Variants in RBFOX1 observed in about 807,000 individuals in gnomAD.
RBFOX1 encodes RNA binding protein fox-1 homolog 1.
In RBFOX1, 8 loss-of-function variants were observed where a neutral mutation model predicts 57.7. That is an observed-to-expected ratio of 0.14 (90% CI 0.08 to 0.25). The LOEUF (loss-of-function observed/expected upper bound fraction) is 0.25. Among genes scored for constraint, RBFOX1 ranks in the 10% least tolerant of loss-of-function variants. The probability of loss-of-function intolerance (pLI) is 1.00; values close to 1 mark genes in which losing one functional copy is unlikely to be tolerated. For missense variants in RBFOX1, 611 were observed against 548.5 expected (o/e 1.11, Z -1.14); for synonymous variants, 326 against 222.4 (o/e 1.47, Z -4.15).
At chr16:6,708,533 C>T (rs183169605) in intron 3 of RBFOX1, among the ~76,000 whole-genome samples, 135 of 152,258 alleles carry the variant, frequency 8.9e-4, no homozygotes, top group African/African-American at 3.0e-3. Flanking sequence ...TGGACAATTT[C>T]GCACAAATAT....
intron 4 of RBFOX1, among the ~76,000 whole-genome samples, chr16:7,248,485 A>T (rs1030876039): frequency 1.3e-4 from 20 of 152,200 alleles, no homozygotes; most frequent in Admixed American, 1.1e-3. Flanking sequence ...TTTCACGCTT[A>T]CACTTGCTGG....
At chr16:7,001,136 C>T (rs1279593135) in intron 3 of RBFOX1, among the ~76,000 whole-genome samples, 2 of 151,946 alleles carry the variant, frequency 1.3e-5, no homozygotes, top group African/African-American at 2.4e-5. Flanking sequence ...CATTTTTTTC[C>T]AGTTTTCAAA....
chr16:6,224,801 A>C (rs2097403501), intron 1 of RBFOX1, among the ~76,000 whole-genome samples: 2 of 152,100 alleles, frequency 1.3e-5, no homozygotes, highest in African/African-American at 4.8e-5. Context: ...TGGGTGGATC[A>C]CCTGTGGTCA....
intron 1 of RBFOX1, among the ~76,000 whole-genome samples, chr16:6,285,035 C>T (rs891116822): frequency 5.3e-5 from 8 of 151,984 alleles, no homozygotes; most frequent in Middle Eastern, 3.2e-3. Flanking sequence ...AGTCTTAAAC[C>T]GAGAGAGGCA....
At chr16:5,983,690 C>G (rs1024852132) in intron 4 of RBFOX1, among the ~76,000 whole-genome samples, 2 of 152,094 alleles carry the variant, frequency 1.3e-5, no homozygotes, top group African/African-American at 4.8e-5. Context: ...TTGGGGCTTC[C>G]CCACACCCAA....
rs367616505 is a variant in RBFOX1 at position 6,279,932 on chromosome 16, T to C, written c.-126-37063T>C. Among the ~76,000 whole-genome samples, 23 of 152,144 alleles carry C rather than the reference T, an allele frequency of 1.5e-4. 1 individual carries two copies. The highest frequency in any genetic ancestry group is 5.1e-4 in the African/African-American group (21 of 41,514). On this transcript the variant is annotated intron_variant, in intron 1 of 15. Coordinates refer to ENST00000550418, the MANE Select transcript of RBFOX1 (RefSeq NM_018723.4). ...GATCTGGAAGGGAAAGTAAATTGCA[T>C]GCTAATGAAATTTGCAGACGATATT...
intron 3 of RBFOX1, among the ~76,000 whole-genome samples, chr16:5,641,657 G>T (rs1358153355): frequency 6.6e-6 from 1 of 152,220 alleles, no homozygotes; most frequent in Non-Finnish European, 1.5e-5. Flanking sequence ...GGGGAAGTAT[G>T]CTTGGGCAGT....
intron 3 of RBFOX1, among the ~76,000 whole-genome samples, chr16:6,798,003 G>A (rs1044440671): frequency 6.6e-6 from 1 of 152,060 alleles, no homozygotes; most frequent in Non-Finnish European, 1.5e-5. Context: ...GATGGGAATA[G>A]GGATGATGAT....
chr16:5,365,912 G>T, intron 1 of RBFOX1: 1 of 499,678 alleles, frequency 2.0e-6, no homozygotes, highest in South Asian at 1.5e-5. Context: ...ATGAAAAGGA[G>T]CACCAGTTAT....
In RBFOX1 at chr16:7,477,522, T is replaced by C. The variant is rs888716651; in HGVS notation, c.28-40625T>C. Among the ~76,000 whole-genome samples, 3 of 152,300 alleles carry C rather than the reference T, an allele frequency of 2.0e-5. No individual in the cohort carries two copies. In the East Asian group the frequency reaches 5.8e-4, roughly 29 times the overall value. ...CTTCTGCCCCCTGAATATTATTGCCTGGCTGACTCCCCAAAGAGAAAATGT... is the reference window on the plus strand; with the variant it reads ...CTTCTGCCCCCTGAATATTATTGCCCGGCTGACTCCCCAAAGAGAAAATGT... On this transcript the variant is annotated intron_variant, in intron 4 of 15. Coordinates refer to ENST00000550418, the MANE Select transcript of RBFOX1 (RefSeq NM_018723.4).
chr16:7,359,123 T>C (rs2146474763), intron 4 of RBFOX1, among the ~76,000 whole-genome samples: 1 of 152,300 alleles, frequency 6.6e-6, no homozygotes, highest in South Asian at 2.1e-4. Flanking sequence ...TTAAACATGT[T>C]GGCTTTGGGT....
intron 4 of RBFOX1, among the ~76,000 whole-genome samples, chr16:7,264,253 G>C (rs540383805): frequency 6.6e-6 from 1 of 152,146 alleles, no homozygotes; most frequent in Non-Finnish European, 1.5e-5. Flanking sequence ...GAGTGAACTG[G>C]ACAGAAGAAA....
At chr16:6,175,499 AGGTCGGGG>A (rs1419080944) in intron 1 of RBFOX1, among the ~76,000 whole-genome samples, 2 of 151,668 alleles carry the variant, frequency 1.3e-5, no homozygotes, top group African/African-American at 2.4e-5. Context: ...GTTTTTCTGT[AGGTCGGGG>A]GGGTGGGGGC....
intron 4 of RBFOX1, among the ~76,000 whole-genome samples, chr16:7,504,777 ATATATATATTTATATATATATATATT>A (rs2072579479): frequency 1.1e-4 from 2 of 17,942 alleles, no homozygotes; most frequent in African/African-American, 1.2e-4. Context: ...ATATTTATAT[ATATATATATTTATATATATATATATT>A]TATATATATA....
chr16:7,227,003 A>T (rs754102860), intron 4 of RBFOX1, among the ~76,000 whole-genome samples: 9 of 152,190 alleles, frequency 5.9e-5, no homozygotes, highest in Non-Finnish European at 1.3e-4. Flanking sequence ...AGGATAAAAA[A>T]TGGCTAAAGT....
chr16:5,314,185 G>A (rs1262431863), intron 1 of RBFOX1, among the ~76,000 whole-genome samples: 1 of 152,208 alleles, frequency 6.6e-6, no homozygotes, highest in Non-Finnish European at 1.5e-5. Flanking sequence ...CTTGGCCCAG[G>A]TCATGCAGTG....
At chr16:7,340,997 G>A (rs1406590298) in intron 4 of RBFOX1, among the ~76,000 whole-genome samples, 2 of 152,146 alleles carry the variant, frequency 1.3e-5, no homozygotes, top group African/African-American at 4.8e-5. Flanking sequence ...CTCTGCTGCT[G>A]CTTTGGTGTT....
intron 3 of RBFOX1, among the ~76,000 whole-genome samples, chr16:5,733,787 C>G (rs2052470505): frequency 6.6e-6 from 1 of 151,510 alleles, no homozygotes; most frequent in Admixed American, 6.6e-5. Flanking sequence ...TCTTCCCAGC[C>G]CTTCCTTCCT....
intron 4 of RBFOX1, among the ~76,000 whole-genome samples, chr16:7,075,201 A>G (rs1223257034): frequency 6.6e-6 from 1 of 152,166 alleles, no homozygotes; most frequent in Non-Finnish European, 1.5e-5. Context: ...GTGATGTTGC[A>G]TATATAGGGA....
Sources: gnomAD v4.1 joint callset for allele counts (sites outside exome capture counted in the v4.1 genomes callset) on GRCh38, gnomAD v4.1.1 for gene constraint, MANE v1.5 for transcripts, NCBI Gene and HGNC (gene_info 2026-07-23, HGNC 2026-07-21) for gene names.